HTN1: variants seen among roughly 807,000 people sequenced by gnomAD.
The protein encoded by HTN1 is histatin 1, also known as histatin-1.
HTN1 carries 18 observed loss-of-function variants against 11.2 expected under a neutral mutation model. That is an observed-to-expected ratio of 1.61 (90% CI 1.12 to 2.39). HTN1 has a LOEUF of 2.39. HTN1 is among the 30% of genes most tolerant of loss of function. HTN1 has a pLI of 0.00. For synonymous variants in HTN1, 21 were observed against 20.5 expected, an observed-to-expected ratio of 1.02 and a Z score of -0.07; for missense variants, 80 against 67.2, an observed-to-expected ratio of 1.19 and a Z score of -0.67.
chr4:70,053,910 T>C (rs961955129), intron 2 of HTN1, among the ~76,000 whole-genome samples: 1 of 152,084 alleles, frequency 6.6e-6, no homozygotes, highest in Non-Finnish European at 1.5e-5. Flanking sequence ...AGTAGAAAAA[T>C]AAACAAATAA....
intron 5 of HTN1, chr4:70,057,344 G>A (rs746693884): frequency 2.0e-5 from 3 of 152,014 alleles, no homozygotes; most frequent in Admixed American, 6.6e-5. Flanking sequence ...GTGAGAACAC[G>A]TGAAGACAGG....
chr4:70,057,934 A>G (rs1578185523), intron 5 of HTN1: 1 of 152,342 alleles, frequency 6.6e-6, no homozygotes, highest in East Asian at 1.9e-4. Flanking sequence ...TATAACATCA[A>G]CAAGGAGATG....
In HTN1 at chr4:70,053,582, T is replaced by G. The variant is rs1481512354; in HGVS notation, c.51+455T>G. Among the ~76,000 whole-genome samples, 3 of 152,190 alleles carry G rather than the reference T, an allele frequency of 2.0e-5. 1 individual carries two copies. Among genetic ancestry groups the G allele is most frequent in the South Asian group, 4.1e-4 (2 of 4,832 alleles). ...CAGCATACAATTATTTAATTCTTCC[T>G]AAAATAAAGCTGCTTATTTTAAACC... On this transcript the variant is annotated intron_variant, in intron 2 of 5. Transcript: ENST00000246896.
At chr4:70,051,201 A>G (rs1725883271) in intron 1 of HTN1, among the ~76,000 whole-genome samples, 3 of 152,130 alleles carry the variant, frequency 2.0e-5, no homozygotes, top group East Asian at 3.8e-4. Flanking sequence ...TATTATTATA[A>G]AGGTTTATTT....
At chr4:70,055,056 C>T (rs192410150) in intron 4 of HTN1, among the ~76,000 whole-genome samples, 2 of 152,016 alleles carry the variant, frequency 1.3e-5, no homozygotes, top group African/African-American at 2.4e-5. Flanking sequence ...TTTGTGTTAA[C>T]AGCAGTGGGT....
At chr4:70,052,686 C>T (rs1192425399) in intron 1 of HTN1, among the ~76,000 whole-genome samples, 1 of 151,760 alleles carries the variant, frequency 6.6e-6, no homozygotes, top group Non-Finnish European at 1.5e-5. Flanking sequence ...GCCTGGGGCT[C>T]ACACCTGTAA....
chr4:70,053,262 A>T (rs1725946821), intron 2 of HTN1, 135 bp downstream of exon 2: 1 of 555,166 alleles, frequency 1.8e-6, no homozygotes, highest in African/African-American at 1.9e-5. Flanking sequence ...CCCTACAAGG[A>T]GTTTCTTTGA....
chr4:70,054,600 C>G (rs1011606618), intron 4 of HTN1, 150 bp downstream of exon 4: 6 of 571,748 alleles, frequency 1.0e-5, no homozygotes, highest in East Asian at 6.6e-5. Context: ...GATGCAAAGG[C>G]AAAAAGTCAC....
rs1726102497 is a variant in HTN1 at position 70,058,604 on chromosome 4, A to G, written c.*58A>G. The G allele has an allele frequency of 6.6e-6, 1 of 152,074 alleles. No individual in the cohort carries two copies. The highest frequency in any genetic ancestry group is 1.5e-5 in the Non-Finnish European group (1 of 67,988). The allele number at this position is 152,074 out of a possible 1,614,324, so 9.4% of individuals were successfully genotyped here. ...GGTTTGACTGGCAAATTCACTTTTT[A>G]CTCATTTATTCTCATTCATCATACC... On this transcript the variant is annotated 3_prime_UTR_variant, in exon 6 of 6. Transcript: ENST00000246896.
intron 1 of HTN1, 169 bp from the exon 2 acceptor site, chr4:70,052,895 T>G: frequency 1.8e-6 from 1 of 541,486 alleles, no homozygotes. Context: ...GAGGATGGCT[T>G]GAGACCAGAT....
At chr4:70,054,151 C>A (rs887497357) in intron 2 of HTN1, among the ~76,000 whole-genome samples, 171 bp from the exon 3 acceptor site, 8 of 151,990 alleles carry the variant, frequency 5.3e-5, no homozygotes, top group Non-Finnish European at 1.2e-4. Flanking sequence ...GCATTTACCC[C>A]TCACTCATTT....
chr4:70,055,855 T>C (rs1726026193), intron 5 of HTN1: 1 of 256,384 alleles, frequency 3.9e-6, no homozygotes, highest in Admixed American at 5.4e-5. Context: ...AGCTTTGTAG[T>C]ATAGTTTGAA....
At chr4:70,051,850 GGAAA>G (rs1168753091) in intron 1 of HTN1, among the ~76,000 whole-genome samples, 2 of 151,980 alleles carry the variant, frequency 1.3e-5, no homozygotes, top group South Asian at 2.1e-4. Context: ...ACAAATGACA[GGAAA>G]GAGAGATTAG....
At chr4:70,052,852 C>T in intron 1 of HTN1, 1 of 421,000 alleles carries the variant, frequency 2.4e-6, no homozygotes, top group East Asian at 3.6e-5. Context: ...CTTGTAGTTC[C>T]AGCTACAAGT....
At chr4:70,052,690 C>T (rs1290208409) in intron 1 of HTN1, among the ~76,000 whole-genome samples, 3 of 151,966 alleles carry the variant, frequency 2.0e-5, no homozygotes. Flanking sequence ...GGGGCTCACA[C>T]CTGTAATCCA....
At chr4:70,051,019 G>A (rs1725877835) in intron 1 of HTN1, among the ~76,000 whole-genome samples, 1 of 152,050 alleles carries the variant, frequency 6.6e-6, no homozygotes, top group South Asian at 2.1e-4. Context: ...TAAATTATGT[G>A]GAATATGGCA....
chr4:70,050,741 C>T lies in HTN1; in HGVS notation c.-14+246C>T, dbSNP rs186671084. ...TAAATATTTCCTTTAAAAACTCACA[C>T]ACAAATTCATTTTATTTTATTTTAT... On this transcript the variant is annotated intron_variant, in intron 1 of 5. Transcript: ENST00000246896. Among the ~76,000 whole-genome samples, 56 of 152,200 alleles carry T rather than the reference C, an allele frequency of 3.7e-4. 1 individual carries two copies. Among genetic ancestry groups the T allele is most frequent in the African/African-American group, 1.3e-3 (55 of 41,542 alleles).
chr4:70,055,350 ATG>A, intron 4 of HTN1, 146 bp from the exon 5 acceptor site: 1 of 638,188 alleles, frequency 1.6e-6, no homozygotes, highest in Non-Finnish European at 2.8e-6. Flanking sequence ...AAAAAGAAAA[ATG>A]TAAAAGTTTG....
At chr4:70,055,351 T>G in intron 4 of HTN1, 147 bp from the exon 5 acceptor site, 1 of 639,244 alleles carries the variant, frequency 1.6e-6, no homozygotes, top group East Asian at 2.9e-5. Flanking sequence ...AAAAGAAAAA[T>G]GTAAAAGTTT....
Sources: gnomAD v4.1 joint callset for allele counts (sites outside exome capture counted in the v4.1 genomes callset) on GRCh38, gnomAD v4.1.1 for gene constraint, MANE v1.5 for transcripts, NCBI Gene and HGNC (gene_info 2026-07-23, HGNC 2026-07-21) for gene names.